The following GRM1 variants were observed in gnomAD, a reference collection of about 807,000 sequenced individuals.
The protein encoded by GRM1 is glutamate metabotropic receptor 1.
Under a neutral mutation model 90.9 loss-of-function variants are expected in GRM1, and 33 were observed. That is an observed-to-expected ratio of 0.36 (90% CI 0.28 to 0.49). The LOEUF is 0.49. Ranked by LOEUF, GRM1 falls within the 20% of genes least tolerant of loss-of-function variation. The pLI, the probability that GRM1 is intolerant of heterozygous loss-of-function variation, is 0.99. For missense variants in GRM1, 1,190 were observed against 1,534.3 expected (o/e 0.78, Z 3.75); for synonymous variants, 700 against 613.2 (o/e 1.14, Z -2.09).
chr6:146,313,425 C>A (rs182335468), intron 3 of GRM1, among the ~76,000 whole-genome samples: 81 of 152,246 alleles, frequency 5.3e-4, no homozygotes, highest in African/African-American at 1.9e-3. Flanking sequence ...TATGACTGTT[C>A]ATAAATATTT....
chr6:146,164,073 A>C (rs1777827234), intron 2 of GRM1, among the ~76,000 whole-genome samples: 1 of 135,382 alleles, frequency 7.4e-6, no homozygotes, highest in Non-Finnish European at 1.5e-5. Flanking sequence ...GATCTGTTCT[A>C]ATTCTTAAAT....
intron 2 of GRM1, among the ~76,000 whole-genome samples, chr6:146,283,317 C>G (rs1406592102): frequency 6.6e-6 from 1 of 152,144 alleles, no homozygotes; most frequent in Non-Finnish European, 1.5e-5. Flanking sequence ...AGCCCCCAAC[C>G]CCTGTTGAAG....
At chr6:146,372,627 G>T (rs1310895544) in intron 5 of GRM1, among the ~76,000 whole-genome samples, 2 of 151,626 alleles carry the variant, frequency 1.3e-5, no homozygotes, top group African/African-American at 4.9e-5. Flanking sequence ...ATATTTATTT[G>T]ATTTTTGTGT....
chr6:146,315,821 T>C (rs1391159522), intron 3 of GRM1, among the ~76,000 whole-genome samples: 1 of 152,226 alleles, frequency 6.6e-6, no homozygotes, highest in Non-Finnish European at 1.5e-5. Context: ...AATGAGATTT[T>C]AGTAATTCAT....
intron 2 of GRM1, among the ~76,000 whole-genome samples, chr6:146,168,637 T>C (rs562408692): frequency 2.0e-5 from 3 of 151,022 alleles, no homozygotes; most frequent in Admixed American, 6.6e-5. Flanking sequence ...GTGGGACTTA[T>C]CTACTGAGAC....
intron 7 of GRM1, among the ~76,000 whole-genome samples, chr6:146,431,356 T>C (rs1329277329): frequency 1.3e-5 from 2 of 152,228 alleles, no homozygotes; most frequent in Non-Finnish European, 2.9e-5. Context: ...TGATTAATAA[T>C]ACTGTTAACT....
In GRM1 at chr6:146,271,016, T is replaced by G. The variant is rs186583044; in HGVS notation, c.951-33595T>G. On this transcript the variant is annotated intron_variant, in intron 2 of 7. Coordinates refer to ENST00000282753, the MANE Select transcript of GRM1 (RefSeq NM_001278064.2). ...TTTCCTTCTTTCTTTCTTTCTTTCTTTCTTTCAAGATGAAGTCTCACTCTG... is the reference window on the plus strand; with the variant it reads ...TTTCCTTCTTTCTTTCTTTCTTTCTGTCTTTCAAGATGAAGTCTCACTCTG... 3.3e-5 allele frequency among the ~76,000 whole-genome samples: 5 copies of G among 150,298 alleles called. No individual in the cohort carries two copies. The East Asian group carries it at 9.8e-4, about 29-fold the overall frequency.
intron 2 of GRM1, among the ~76,000 whole-genome samples, chr6:146,191,149 C>T (rs1226663320): frequency 6.6e-6 from 1 of 152,166 alleles, no homozygotes; most frequent in Non-Finnish European, 1.5e-5. Context: ...ATTGATTCAT[C>T]TTCTCCACAG....
At chr6:146,118,608 C>G (rs1775856570) in intron 1 of GRM1, among the ~76,000 whole-genome samples, 1 of 152,340 alleles carries the variant, frequency 6.6e-6, no homozygotes, top group Middle Eastern at 3.4e-3. Context: ...CACCCTGCAA[C>G]AGGCCCTGGC....
chr6:146,041,213 A>G (rs1307542177), intron 1 of GRM1, among the ~76,000 whole-genome samples: 1 of 151,894 alleles, frequency 6.6e-6, no homozygotes, highest in Non-Finnish European at 1.5e-5. Flanking sequence ...CGGATTATTG[A>G]CCTGAGAGCT....
intron 3 of GRM1, among the ~76,000 whole-genome samples, chr6:146,349,807 AT>A (rs1459476723): frequency 6.6e-6 from 1 of 152,234 alleles, no homozygotes; most frequent in Non-Finnish European, 1.5e-5. Flanking sequence ...TAGTTAAAAA[AT>A]AATGACATTC....
intron 1 of GRM1, among the ~76,000 whole-genome samples, chr6:146,125,705 T>C (rs1388013749): frequency 6.6e-6 from 1 of 152,092 alleles, no homozygotes; most frequent in Non-Finnish European, 1.5e-5. Context: ...CCCCTCCTTT[T>C]CTCCATTCTG....
At chr6:146,167,799 A>T (rs1777963169) in intron 2 of GRM1, among the ~76,000 whole-genome samples, 1 of 152,108 alleles carries the variant, frequency 6.6e-6, no homozygotes, top group Non-Finnish European at 1.5e-5. Context: ...GATTTATCGT[A>T]TATGTGTATA....
chr6:146,333,825 G>A (rs1290809829), intron 3 of GRM1, among the ~76,000 whole-genome samples: 2 of 151,932 alleles, frequency 1.3e-5, no homozygotes, highest in African/African-American at 4.8e-5. Flanking sequence ...AGCTGTCACA[G>A]CCCAGAGAAG....
chr6:146,109,692 A>G (rs781455575), intron 1 of GRM1, among the ~76,000 whole-genome samples: 1 of 152,140 alleles, frequency 6.6e-6, no homozygotes, highest in African/African-American at 2.4e-5. Context: ...AGCTTGCACC[A>G]TGCACCTGGA....
At chr6:146,286,146 A>G (rs1583275751) in intron 2 of GRM1, among the ~76,000 whole-genome samples, 2 of 152,172 alleles carry the variant, frequency 1.3e-5, no homozygotes, top group East Asian at 1.9e-4. Context: ...TTTTAAAAAT[A>G]TTCAATTTAA....
At position 146,114,227 on chromosome 6, in the gene GRM1, A is replaced by C. The variant is rs116637199; in HGVS notation, c.701-45121A>C. 6.1e-3 allele frequency among the ~76,000 whole-genome samples: 923 copies of C among 152,320 alleles called. 9 individuals carry two copies. The highest frequency in any genetic ancestry group is 0.021 in the African/African-American group (870 of 41,574). On this transcript the variant is annotated intron_variant, in intron 1 of 7. Transcript: ENST00000282753. ...TTTTAGATTTCAGAATAGAATACTA[A>C]TGGTTGTTTAGAATCTATTAAATAG...
chr6:146,433,830 A>G (rs751176191), intron 7 of GRM1, 42 bp from the exon 8 acceptor site: 9 of 1,340,634 alleles, frequency 6.7e-6, no homozygotes, highest in Non-Finnish European at 8.6e-6. Context: ...TCCTGTGTGC[A>G]TGATCTATCT....
chr6:146,316,214 C>G (rs1470544859), intron 3 of GRM1, among the ~76,000 whole-genome samples: 1 of 152,112 alleles, frequency 6.6e-6, no homozygotes, highest in Non-Finnish European at 1.5e-5. Context: ...GCTCATGGCC[C>G]CCTTCCTTCA....
Sources: allele counts gnomAD v4.1 joint callset (sites outside exome capture counted in the v4.1 genomes callset), GRCh38; gene constraint gnomAD v4.1.1; transcripts MANE v1.5; gene names NCBI Gene and HGNC (gene_info 2026-07-23, HGNC 2026-07-21).